FER: variants seen among roughly 807,000 people sequenced by gnomAD.
FER encodes the protein FER tyrosine kinase, also known as tyrosine-protein kinase Fer.
A neutral mutation model predicts 111.0 loss-of-function variants in FER; 63 were observed. The observed-to-expected ratio is 0.57, with a 90% confidence interval of 0.46 to 0.70. The LOEUF (loss-of-function observed/expected upper bound fraction) is 0.70. Among genes scored for constraint, FER ranks in the 30% least tolerant of loss-of-function variants. The pLI is 0.00. For missense variants in FER, 914 were observed against 954.0 expected, an observed-to-expected ratio of 0.96 and a Z score of 0.55; for synonymous variants, 327 against 313.9, an observed-to-expected ratio of 1.04 and a Z score of -0.44.
At chr5:108,760,711 G>T (rs905719918) in intron 1 of FER, among the ~76,000 whole-genome samples, 3 of 152,104 alleles carry the variant, frequency 2.0e-5, no homozygotes, top group Non-Finnish European at 4.4e-5. Flanking sequence ...GAGAGTTAAG[G>T]CCTTGTTCTG....
chr5:108,764,901 A>T (rs1752147571), intron 1 of FER, among the ~76,000 whole-genome samples: 1 of 152,148 alleles, frequency 6.6e-6, no homozygotes, highest in African/African-American at 2.4e-5. Flanking sequence ...AGACATAATC[A>T]CTTTTAGGGT....
At chr5:108,786,182 A>C (rs1321537073) in intron 2 of FER, among the ~76,000 whole-genome samples, 1 of 152,152 alleles carries the variant, frequency 6.6e-6, no homozygotes, top group African/African-American at 2.4e-5. Flanking sequence ...AATTTCATTC[A>C]CCAGTTCATC....
intron 1 of FER, among the ~76,000 whole-genome samples, chr5:108,751,788 G>C (rs890253783): frequency 3.3e-5 from 5 of 152,094 alleles, no homozygotes; most frequent in Non-Finnish European, 5.9e-5. Flanking sequence ...TCATGGTTCT[G>C]AGGAATATTT....
intron 13 of FER, among the ~76,000 whole-genome samples, chr5:108,976,683 A>T (rs1032426428): frequency 1.3e-5 from 2 of 152,224 alleles, no homozygotes; most frequent in Non-Finnish European, 1.5e-5. Flanking sequence ...TATTCTTACA[A>T]TAAGGCAGAG....
chr5:108,827,505 T>A (rs1759589807), intron 3 of FER, among the ~76,000 whole-genome samples: 2 of 152,186 alleles, frequency 1.3e-5, no homozygotes, highest in Admixed American at 6.5e-5. Context: ...TATTAATCTA[T>A]GGTTATTTCT....
At chr5:108,856,417 T>A (rs1763014194) in intron 5 of FER, among the ~76,000 whole-genome samples, 1 of 152,200 alleles carries the variant, frequency 6.6e-6, no homozygotes, top group Admixed American at 6.5e-5. Context: ...ATGCATAACA[T>A]GTAGCTTTTA....
intron 9 of FER, among the ~76,000 whole-genome samples, chr5:108,889,627 A>G (rs756584197): frequency 3.9e-5 from 6 of 152,028 alleles, no homozygotes; most frequent in Non-Finnish European, 7.4e-5. Context: ...GTAGTCAATA[A>G]TAATTTAATT....
At chr5:108,773,352 C>T (rs553717266) in intron 2 of FER, among the ~76,000 whole-genome samples, 3 of 152,152 alleles carry the variant, frequency 2.0e-5, no homozygotes, top group African/African-American at 7.2e-5. Context: ...CCCCACACCC[C>T]TGCTGTCCCA....
At chr5:109,140,373 T>G (rs974559895) in intron 17 of FER, among the ~76,000 whole-genome samples, 10 of 152,194 alleles carry the variant, frequency 6.6e-5, no homozygotes, top group African/African-American at 2.4e-4. Context: ...GTAGTACATC[T>G]TGTGCTCTTA....
chr5:108,988,005 G>A (rs371849884), intron 13 of FER, among the ~76,000 whole-genome samples: 2 of 152,046 alleles, frequency 1.3e-5, no homozygotes, highest in Admixed American at 1.3e-4. Flanking sequence ...AATCACAAAC[G>A]GATGCTGAAT....
chr5:109,090,528 C>T (rs1167621024), intron 16 of FER, among the ~76,000 whole-genome samples: 3 of 151,992 alleles, frequency 2.0e-5, no homozygotes, highest in African/African-American at 7.3e-5. Flanking sequence ...TATTAATTAC[C>T]TGACAAATAA....
intron 11 of FER, among the ~76,000 whole-genome samples, chr5:108,948,549 A>G (rs1398356907): frequency 6.6e-6 from 1 of 152,060 alleles, no homozygotes; most frequent in East Asian, 1.9e-4. Flanking sequence ...ACTATTTTTC[A>G]GAGACTGCTT....
chr5:109,080,044 T>TA (rs1776809664), intron 16 of FER, among the ~76,000 whole-genome samples: 2 of 152,038 alleles, frequency 1.3e-5, no homozygotes, highest in South Asian at 4.2e-4. Context: ...TAAATACATT[T>TA]TTCCTCCCAT....
rs548796716 is a variant in FER, at chr5:109,035,292, G to A, written c.1657-2130G>A. Among the ~76,000 whole-genome samples, 8 of 152,068 alleles carry A rather than the reference G, an allele frequency of 5.3e-5. No homozygotes were observed. In the South Asian group the frequency reaches 1.5e-3, roughly 28 times the overall value. On this transcript the variant is annotated intron_variant, in intron 13 of 19. Coordinates refer to ENST00000281092, the MANE Select transcript of FER (RefSeq NM_005246.4). ...CCGCAAAGTTGCTTCTTTCCCTTTT[G>A]CAGTCAGTCTTTCTCAACTCCTACC...
chr5:108,908,658 T>A (rs1044726713), intron 10 of FER, among the ~76,000 whole-genome samples: 1 of 151,896 alleles, frequency 6.6e-6, no homozygotes. Flanking sequence ...GAGGCGGAGC[T>A]TGCAGTGAGC....
At chr5:109,101,720 GA>G (rs1748258438) in intron 17 of FER, among the ~76,000 whole-genome samples, 1 of 152,024 alleles carries the variant, frequency 6.6e-6, no homozygotes, top group Non-Finnish European at 1.5e-5. Flanking sequence ...CACATGATAA[GA>G]ATTGACTTAA....
At chr5:109,135,191 A>G (rs1752760615) in intron 17 of FER, among the ~76,000 whole-genome samples, 1 of 152,216 alleles carries the variant, frequency 6.6e-6, no homozygotes, top group Non-Finnish European at 1.5e-5. Flanking sequence ...GAGGGATGAT[A>G]ATAATGGTAG....
At chr5:108,935,478 C>A (rs919541991) in intron 10 of FER, among the ~76,000 whole-genome samples, 2 of 152,048 alleles carry the variant, frequency 1.3e-5, no homozygotes, top group African/African-American at 4.8e-5. Context: ...ATTAAATCTG[C>A]AAAACTTGCT....
chr5:108,976,371 G>C (rs984387268), intron 13 of FER, among the ~76,000 whole-genome samples: 1 of 151,878 alleles, frequency 6.6e-6, no homozygotes, highest in African/African-American at 2.4e-5. Flanking sequence ...TACTTCTTTT[G>C]CTTTTGTGAA....
Sources: allele counts gnomAD v4.1 joint callset (sites outside exome capture counted in the v4.1 genomes callset), GRCh38; gene constraint gnomAD v4.1.1; transcripts MANE v1.5; gene names NCBI Gene and HGNC (gene_info 2026-07-23, HGNC 2026-07-21).